ITGB6: variants seen among roughly 807,000 people sequenced by gnomAD.
The protein encoded by ITGB6 is integrin subunit beta 6.
A neutral mutation model predicts 84.5 loss-of-function variants in ITGB6; 80 were observed. The ratio of observed to expected loss-of-function variants is 0.95; its 90% confidence interval spans 0.79 to 1.14. The LOEUF is 1.14. Ranked by LOEUF, ITGB6 falls within the 50% of genes most tolerant of loss-of-function variation. ITGB6 has a pLI of 0.00. For synonymous variants in ITGB6, 383 were observed against 354.9 expected (o/e 1.08, Z -0.89); for missense variants, 1,006 against 968.0 (o/e 1.04, Z -0.52).
chr2:160,152,060 C>G (rs953284943), intron 7 of ITGB6, among the ~76,000 whole-genome samples: 2 of 152,110 alleles, frequency 1.3e-5, no homozygotes, highest in African/African-American at 4.8e-5. Context: ...CTATTCCAAT[C>G]AATAGAAAAA....
chr2:160,108,024 C>T (rs1696978798), intron 13 of ITGB6, among the ~76,000 whole-genome samples, 179 bp from the exon 14 acceptor site: 1 of 151,714 alleles, frequency 6.6e-6, no homozygotes, highest in South Asian at 2.1e-4. Context: ...CTGCATTCCT[C>T]AAAGTAGAAC....
At chr2:160,110,604 G>A (rs1682460384) in intron 13 of ITGB6, among the ~76,000 whole-genome samples, 1 of 152,158 alleles carries the variant, frequency 6.6e-6, no homozygotes, top group Non-Finnish European at 1.5e-5. Flanking sequence ...CCTCCGGACT[G>A]TGGGGGAAAG....
chr2:160,139,552 A>G (rs571296108), intron 8 of ITGB6, among the ~76,000 whole-genome samples: 17 of 152,344 alleles, frequency 1.1e-4, no homozygotes, highest in African/African-American at 3.8e-4. Context: ...ATTAAGGGAT[A>G]TGAGCTAGAA....
chr2:160,145,012 C>T (rs994654317), intron 7 of ITGB6, among the ~76,000 whole-genome samples: 4 of 152,206 alleles, frequency 2.6e-5, no homozygotes, highest in Non-Finnish European at 1.5e-5. Flanking sequence ...TGCTCTAACA[C>T]TGTCAAAATT....
chr2:160,142,339 G>A (rs1684030216), intron 7 of ITGB6, among the ~76,000 whole-genome samples: 1 of 152,160 alleles, frequency 6.6e-6, no homozygotes, highest in Admixed American at 6.5e-5. Context: ...TTTGTCTCCA[G>A]AAGAGTCAAG....
intron 7 of ITGB6, among the ~76,000 whole-genome samples, chr2:160,165,216 T>C (rs1188943462): frequency 1.3e-5 from 2 of 152,190 alleles, no homozygotes; most frequent in Non-Finnish European, 2.9e-5. Flanking sequence ...ATCTAGACTA[T>C]GCCCTAAAAT....
chr2:160,177,697 C>T (rs1255716785), intron 4 of ITGB6, among the ~76,000 whole-genome samples: 1 of 151,990 alleles, frequency 6.6e-6, no homozygotes, highest in Non-Finnish European at 1.5e-5. Context: ...TTCTTCCCAC[C>T]TTCAAATCTA....
chr2:160,115,453 T>C (rs1682724988), intron 12 of ITGB6, among the ~76,000 whole-genome samples: 2 of 152,232 alleles, frequency 1.3e-5, no homozygotes, highest in Non-Finnish European at 2.9e-5. Flanking sequence ...CTGAGGGTCC[T>C]GTCTGTTAGA....
chr2:160,112,193 G>C lies in ITGB6; in HGVS notation c.1988C>G (p.Ser663Ter). 1 of 1,610,638 alleles carries C rather than the reference G, an allele frequency of 6.2e-7. No individual in the cohort carries two copies. The highest frequency in any genetic ancestry group is 8.5e-7 in the Non-Finnish European group (1 of 1,178,560). ...GATISEEEDF[S>*]KDGSVSCSLQ... The stretch of plus-strand genomic sequence containing the variant: ...AGAGCAGGAAACAGAACCATCCTTT[G>C]AGAAATCTGCAGATAAAGGAGTCAT... The change falls in exon 13 of 15, where the codon TCA becomes TGA. Residue 663 changes from serine to a stop codon, truncating the protein, a stop_gained. Coordinates refer to ENST00000283249, the MANE Select transcript of ITGB6 (RefSeq NM_000888.5). LOFTEE classifies it high-confidence loss of function.
In ITGB6 at chr2:160,196,201, C is replaced by T; in HGVS notation, c.346+15G>A. 6.2e-7 allele frequency: 1 copy of T among 1,610,420 alleles called. No individual in the cohort carries two copies. The highest frequency in any genetic ancestry group is 8.5e-7 in the Non-Finnish European group (1 of 1,176,858). On this transcript the variant is annotated intron_variant, in intron 3 of 14. Coordinates refer to ENST00000283249, the MANE Select transcript of ITGB6 (RefSeq NM_000888.5). ...TGACATTAGATCTATTTACATGAGC[C>T]AAATCCTAACATACCTGGTCTCAAC...
chr2:160,133,646 T>C (rs1330536352), intron 10 of ITGB6, among the ~76,000 whole-genome samples: 1 of 152,112 alleles, frequency 6.6e-6, no homozygotes, highest in Non-Finnish European at 1.5e-5. Context: ...ATTGACCACA[T>C]AGTGGGAAGT....
At chr2:160,121,621 A>G (rs1683043280) in intron 12 of ITGB6, among the ~76,000 whole-genome samples, 1 of 152,072 alleles carries the variant, frequency 6.6e-6, no homozygotes, top group African/African-American at 2.4e-5. Context: ...CCATTTCTAC[A>G]AAAACTACAA....
chr2:160,128,816 CAGA>C lies in ITGB6; in HGVS notation c.1661-2218_1661-2216del, dbSNP rs1410426691. On this transcript the variant is annotated intron_variant, in intron 10 of 14. Transcript: ENST00000283249. ...ACAGAGTAGGACCTGATTATTGAAA[CAGA>C]GGAGGAGAAGCAGCTTTGGGTGGGG... Among the ~76,000 whole-genome samples the C allele has an allele frequency of 2.0e-5, 3 of 152,076 alleles. No homozygotes were observed. The East Asian group carries it at 5.8e-4, about 29-fold the overall frequency.
chr2:160,169,379 A>C, intron 6 of ITGB6, 72 bp from the exon 7 acceptor site: 1 of 891,570 alleles, frequency 1.1e-6, no homozygotes, highest in South Asian at 1.7e-5. Flanking sequence ...TATTTATTTC[A>C]AAGATACCTT....
intron 10 of ITGB6, among the ~76,000 whole-genome samples, chr2:160,135,202 CAA>C (rs1683654720): frequency 6.6e-6 from 1 of 151,226 alleles, no homozygotes; most frequent in Non-Finnish European, 1.5e-5. Context: ...GCAACTTCAG[CAA>C]AGTCTCAGGA....
At chr2:160,146,593 C>T (rs1226441323) in intron 7 of ITGB6, among the ~76,000 whole-genome samples, 1 of 152,144 alleles carries the variant, frequency 6.6e-6, no homozygotes, top group Non-Finnish European at 1.5e-5. Flanking sequence ...ACAAATTTCT[C>T]TTCAAATCTT....
intron 8 of ITGB6, among the ~76,000 whole-genome samples, chr2:160,141,170 C>T (rs1392139957): frequency 1.3e-5 from 2 of 151,822 alleles, no homozygotes; most frequent in Non-Finnish European, 2.9e-5. Context: ...AGCTTTACTC[C>T]TTACTAAAAA....
chr2:160,156,652 T>C (rs927008079), intron 7 of ITGB6, among the ~76,000 whole-genome samples: 3 of 152,176 alleles, frequency 2.0e-5, no homozygotes, highest in Admixed American at 2.0e-4. Flanking sequence ...TTCCCTTTCA[T>C]TGTTCACAGA....
rs1296702243 is a variant in ITGB6 at position 160,101,837 on chromosome 2, GGAA to G, written c.2269-6_2269-4del. The G allele has an allele frequency of 1.8e-5, 23 of 1,269,268 alleles. No individual in the cohort carries two copies. Among genetic ancestry groups the G allele is most frequent in the Non-Finnish European group, 2.3e-5 (22 of 955,856 alleles). The allele number at this position is 1,269,268 out of a possible 1,614,324, so 78.6% of individuals were successfully genotyped here. The stretch of plus-strand genomic sequence containing the variant: ...CCTCTGTAGAGTGGATTGGTTCCCT[GGAA>G]AAAAAAAAAAGATTCAAGTGAAAGT... On this transcript the variant is annotated splice_polypyrimidine_tract_variant and splice_region_variant and intron_variant, in intron 14 of 14. Coordinates refer to ENST00000283249, the MANE Select transcript of ITGB6 (RefSeq NM_000888.5).
Sources: allele counts gnomAD v4.1 joint callset (sites outside exome capture counted in the v4.1 genomes callset), GRCh38; gene constraint gnomAD v4.1.1; transcripts MANE v1.5; gene names NCBI Gene and HGNC (gene_info 2026-07-23, HGNC 2026-07-21).